PCOLCE2: variants seen among roughly 807,000 people sequenced by gnomAD.
PCOLCE2 encodes procollagen C-endopeptidase enhancer 2, also known as procollagen C-proteinase enhancer 2.
In PCOLCE2, 42 loss-of-function variants were observed where a neutral mutation model predicts 47.0. The observed-to-expected ratio is 0.89, with a 90% confidence interval of 0.70 to 1.16. PCOLCE2 has a LOEUF of 1.16. Ranked by LOEUF, PCOLCE2 falls within the 50% of genes most tolerant of loss-of-function variation. The pLI is 0.00. For missense variants in PCOLCE2, 500 were observed against 526.1 expected, an observed-to-expected ratio of 0.95 and a Z score of 0.49; for synonymous variants, 169 against 191.7, an observed-to-expected ratio of 0.88 and a Z score of 0.98.
In PCOLCE2 at chr3:142,821,034, T is replaced by C. The variant is rs1937007863; in HGVS notation, c.961A>G (p.Thr321Ala). The C allele has an allele frequency of 6.2e-7, 1 of 1,608,382 alleles. No individual in the cohort carries two copies. Among genetic ancestry groups the C allele is most frequent in the African/African-American group, 1.3e-5 (1 of 74,862 alleles). Residue 321 changes from threonine (T) to alanine (A), a missense_variant, in exon 8 of 9, where the codon ACT (threonine) becomes GCT (alanine). Physicochemically the swap from Thr to Ala is moderately conservative, Grantham distance 58 (BLOSUM62 0). Transcript: ENST00000295992. Reference protein sequence around the residue: ...YCSSDFVLAGTVITTITRDGS... With the variant: ...YCSSDFVLAGAVITTITRDGS... ...TCGCGAGTGATGGTTGTGATAACAG[T>C]GCCGGCTAATACTGCAGAAGAAAAC...
In PCOLCE2 at chr3:142,865,682, T is replaced by C. The variant is rs553189558; in HGVS notation, c.193-17210A>G. Among the ~76,000 whole-genome samples, 5 of 152,254 alleles carry C rather than the reference T, an allele frequency of 3.3e-5. No homozygotes were observed. In the East Asian group the frequency reaches 9.6e-4, roughly 29 times the overall value. On this transcript the variant is annotated intron_variant, in intron 2 of 8. Transcript: ENST00000295992. Reference sequence around the variant, plus strand: ...AGAGGATAATATAAAAGAGTAAAAATTAAAACACAAGAAGTTTTAGAAATA... The same window carrying C: ...AGAGGATAATATAAAAGAGTAAAAACTAAAACACAAGAAGTTTTAGAAATA...
rs774539204 is a variant in PCOLCE2 at position 142,838,820 on chromosome 3, T to C, written c.660A>G (p.Glu220=). 2 of 1,613,848 alleles carry C rather than the reference T, an allele frequency of 1.2e-6. No homozygotes were observed. The highest frequency in any genetic ancestry group is 1.7e-6 in the Non-Finnish European group (2 of 1,179,742). The change falls in exon 5 of 9, where the codon GAA becomes GAG. Residue 220 remains glutamate (E), a synonymous_variant. Transcript: ENST00000295992. The part of the protein sequence containing the change: ...YDYVAVFNGG[E]VNDARRIGKY... The stretch of plus-strand genomic sequence containing the variant: ...TTCCAATTCTTCTAGCATCGTTGAC[T>C]TCCCCGCCATTAAACACAGCCACAT...
intron 2 of PCOLCE2, among the ~76,000 whole-genome samples, chr3:142,886,387 A>G (rs1453285325): frequency 1.3e-5 from 2 of 152,200 alleles, no homozygotes; most frequent in Non-Finnish European, 2.9e-5. Context: ...AAACACAATC[A>G]CGACATGAAA....
chr3:142,848,778 A>G (rs1480642149), intron 2 of PCOLCE2, among the ~76,000 whole-genome samples: 3 of 152,240 alleles, frequency 2.0e-5, no homozygotes, highest in Non-Finnish European at 4.4e-5. Flanking sequence ...GCTTAGAATG[A>G]ATACCAGTCC....
rs1320635418 is a variant in PCOLCE2 at position 142,889,057 on chromosome 3, G to C, written c.-161C>G. ...CTCCCTCTCACGCGCGCACCGCCGC[G>C]GGGCGGCCCAGGTAGCCGGGGGATA... On this transcript the variant is annotated 5_prime_UTR_variant, in exon 1 of 9. Coordinates refer to ENST00000295992, the MANE Select transcript of PCOLCE2 (RefSeq NM_013363.4). The C allele has an allele frequency of 2.6e-6, 1 of 389,100 alleles. No individual in the cohort carries two copies. The highest frequency in any genetic ancestry group is 4.5e-6 in the Non-Finnish European group (1 of 220,550). The allele number at this position is 389,100 out of a possible 1,614,324, so 24.1% of individuals were successfully genotyped here.
chr3:142,876,974 G>T (rs547658217), intron 2 of PCOLCE2, among the ~76,000 whole-genome samples: 15 of 152,294 alleles, frequency 9.8e-5, no homozygotes, highest in African/African-American at 3.4e-4. Flanking sequence ...TTTGAACCAG[G>T]CTGTCTGGCT....
At chr3:142,835,885 C>T (rs925537380) in intron 5 of PCOLCE2, among the ~76,000 whole-genome samples, 1 of 152,228 alleles carries the variant, frequency 6.6e-6, no homozygotes, top group East Asian at 1.9e-4. Context: ...CTCAACTGAT[C>T]CTCCAACCTC....
In PCOLCE2 at chr3:142,871,186, C is replaced by G. The variant is rs147165915; in HGVS notation, c.192+16483G>C. Among the ~76,000 whole-genome samples the G allele has an allele frequency of 5.3e-4, 80 of 152,296 alleles. 3 individuals carry two copies. In the East Asian group the frequency reaches 0.012, roughly 24 times the overall value. ...TGTCCATTAATAATTTTTATTGGCT[C>G]TATTTTAAAATATATCCAGAAAACG... is the stretch of plus-strand genomic sequence containing the variant. On this transcript the variant is annotated intron_variant, in intron 2 of 8. Coordinates refer to ENST00000295992, the MANE Select transcript of PCOLCE2 (RefSeq NM_013363.4).
At chr3:142,832,723 G>A (rs530126105) in intron 5 of PCOLCE2, among the ~76,000 whole-genome samples, 3 of 150,960 alleles carry the variant, frequency 2.0e-5, no homozygotes, top group South Asian at 4.2e-4. Context: ...GCACACAGCC[G>A]GGGAGGAATC....
intron 4 of PCOLCE2, 78 bp from the exon 5 acceptor site, chr3:142,838,984 C>A: frequency 3.4e-6 from 4 of 1,162,568 alleles, no homozygotes; most frequent in Non-Finnish European, 3.7e-6. Flanking sequence ...TTCCTCTCCC[C>A]AGATTTGGAG....
rs553969954 is a variant in PCOLCE2, at chr3:142,820,722, G to A, written c.1117+156C>T. Among the ~76,000 whole-genome samples the A allele has an allele frequency of 9.9e-5, 15 of 152,244 alleles. No individual in the cohort carries two copies. In the South Asian group the frequency reaches 3.1e-3, roughly 32 times the overall value. On this transcript the variant is annotated intron_variant, in intron 8 of 8. Coordinates refer to ENST00000295992, the MANE Select transcript of PCOLCE2 (RefSeq NM_013363.4). ...CCCCTTCTTCTGCCACAAGTTACAA[G>A]GACTTGGATGAGAGCCCAATTCTGC... is the stretch of plus-strand genomic sequence containing the variant.
rs1451926550 is a variant in PCOLCE2 at position 142,883,922 on chromosome 3, T to C, written c.192+3747A>G. Among the ~76,000 whole-genome samples, 5 of 152,092 alleles carry C rather than the reference T, an allele frequency of 3.3e-5. No homozygotes were observed. In the South Asian group the frequency reaches 1.0e-3, roughly 32 times the overall value. Reference sequence around the variant, plus strand: ...CAGAACGTAAGATGCCTGGTGGGCTTTGTCTCACTTCCCACTCAGGGCCTT... The same window carrying C: ...CAGAACGTAAGATGCCTGGTGGGCTCTGTCTCACTTCCCACTCAGGGCCTT... On this transcript the variant is annotated intron_variant, in intron 2 of 8. Coordinates refer to ENST00000295992, the MANE Select transcript of PCOLCE2 (RefSeq NM_013363.4).
chr3:142,818,243 T>C lies in PCOLCE2; in HGVS notation c.*92A>G. The C allele has an allele frequency of 4.1e-6, 5 of 1,222,354 alleles. No individual in the cohort carries two copies. The highest frequency in any genetic ancestry group is 5.9e-6 in the Non-Finnish European group (5 of 846,770). 75.7% of individuals were successfully genotyped at this position (1,222,354 alleles called of 1,614,324 possible). ...TCTTTCGGAATCCTCTTTCAGAATA[T>C]GTAATTTTATAAGTATTTTTTTTTC... On this transcript the variant is annotated 3_prime_UTR_variant, in exon 9 of 9. Transcript: ENST00000295992.
chr3:142,876,152 T>G (rs1218679894), intron 2 of PCOLCE2, among the ~76,000 whole-genome samples: 1 of 152,206 alleles, frequency 6.6e-6, no homozygotes, highest in Non-Finnish European at 1.5e-5. Flanking sequence ...ATTTTGTGGT[T>G]TCTCTCCTGC....
At chr3:142,864,759 C>G (rs1478343298) in intron 2 of PCOLCE2, among the ~76,000 whole-genome samples, 1 of 152,160 alleles carries the variant, frequency 6.6e-6, no homozygotes, top group African/African-American at 2.4e-5. Flanking sequence ...TGGAATCAAA[C>G]AGTATGTGGT....
At chr3:142,834,600 C>T (rs978069453) in intron 5 of PCOLCE2, among the ~76,000 whole-genome samples, 6 of 152,066 alleles carry the variant, frequency 3.9e-5, no homozygotes, top group African/African-American at 1.4e-4. Flanking sequence ...TAACATAAGT[C>T]CACAAGTCAC....
intron 2 of PCOLCE2, among the ~76,000 whole-genome samples, chr3:142,849,331 A>C (rs898662471): frequency 1.7e-4 from 26 of 152,326 alleles, no homozygotes; most frequent in African/African-American, 6.0e-4. Flanking sequence ...GACTAAATGA[A>C]CTGAGTAATT....
intron 2 of PCOLCE2, among the ~76,000 whole-genome samples, chr3:142,854,276 A>G (rs537664701): frequency 6.6e-6 from 1 of 152,134 alleles, no homozygotes; most frequent in East Asian, 1.9e-4. Flanking sequence ...AACCTTTGGG[A>G]ACGTGCATTC....
chr3:142,843,697 TGTAGGTTG>T (rs1937293743), intron 3 of PCOLCE2, among the ~76,000 whole-genome samples: 1 of 152,054 alleles, frequency 6.6e-6, no homozygotes, highest in South Asian at 2.1e-4. Flanking sequence ...CATATGTACC[TGTAGGTTG>T]GCAGAAATAA....
Sources: allele counts gnomAD v4.1 joint callset (sites outside exome capture counted in the v4.1 genomes callset), GRCh38; gene constraint gnomAD v4.1.1; transcripts MANE v1.5; gene names NCBI Gene and HGNC (gene_info 2026-07-23, HGNC 2026-07-21).